ZMYM5: variants seen among roughly 807,000 people sequenced by gnomAD.
The protein encoded by ZMYM5 is zinc finger MYM-type protein 5.
In ZMYM5, 41 loss-of-function variants were observed where a neutral mutation model predicts 61.8. The ratio of observed to expected loss-of-function variants is 0.66; its 90% CI spans 0.52 to 0.86. ZMYM5 has a LOEUF of 0.86. ZMYM5 is among the 40% of genes least tolerant of loss of function. The probability of loss-of-function intolerance (pLI) is 0.00; values close to 1 mark genes in which losing one functional copy is unlikely to be tolerated. For synonymous variants in ZMYM5, 257 were observed against 276.4 expected (o/e 0.93, Z 0.70); for missense variants, 706 against 786.7 (o/e 0.90, Z 1.23).
At chr13:19,845,290 A>T (rs1313798231) in intron 4 of ZMYM5, among the ~76,000 whole-genome samples, 2 of 152,214 alleles carry the variant, frequency 1.3e-5, no homozygotes, top group Non-Finnish European at 2.9e-5. Flanking sequence ...GAATGTGTGA[A>T]GTCAACTATT....
At chr13:19,855,310 T>A (rs1296575206) in intron 2 of ZMYM5, among the ~76,000 whole-genome samples, 1 of 152,056 alleles carries the variant, frequency 6.6e-6, no homozygotes, top group Non-Finnish European at 1.5e-5. Context: ...TCGCCCAGGC[T>A]GGAGTGCAGT....
chr13:19,826,855 T>C (rs1225476445), intron 7 of ZMYM5, among the ~76,000 whole-genome samples: 4 of 150,432 alleles, frequency 2.7e-5, no homozygotes, highest in Admixed American at 6.6e-5. Flanking sequence ...ACAACTCAAA[T>C]GTCCCATCAC....
chr13:19,860,470 G>A (rs9506389), intron 2 of ZMYM5, among the ~76,000 whole-genome samples: 63,034 of 135,982 alleles, frequency 0.46, 15,478 homozygotes, highest in Non-Finnish European at 0.54. Context: ...GTGTGTGTGT[G>A]TATTTTTTTT....
rs767490413 is a variant in ZMYM5 at position 19,824,771 on chromosome 13, T to A, written c.1716A>T (p.Glu572Asp). Residue 572 changes from glutamate to aspartate, a missense_variant, in exon 8 of 8, where the codon GAA becomes GAT. Transcript: ENST00000337963. The part of the protein sequence containing the change: ...TYYTRILPNG[E>D]KTTRSWLLYS... ...AAAGTAACCAGGATCTAGTGGTTTT[T>A]TCACCATTTGGAAGAATCCGTGTAT... 6 of 1,359,452 alleles carry A rather than the reference T, an allele frequency of 4.4e-6. No homozygotes were observed. In the African/African-American group the frequency reaches 7.4e-5, roughly 17 times the overall value. 84.2% of individuals were successfully genotyped at this position (1,359,452 alleles called of 1,614,324 possible). A position where few individuals can be genotyped will look rare whatever the true frequency, so the allele number is the denominator to read the frequency against.
At chr13:19,842,292 C>A (rs1412087761) in intron 4 of ZMYM5, among the ~76,000 whole-genome samples, 1 of 152,172 alleles carries the variant, frequency 6.6e-6, no homozygotes, top group Non-Finnish European at 1.5e-5. Context: ...GAAATTTAAA[C>A]CCATAAGACC....
Position 19,852,071 on chromosome 13 carries a change from T to A in ZMYM5, c.110A>T (p.His37Leu). ...SLMDIGDSFG[H>L]PACPLVSRSR... ...TCTACTGACTAAAGGACAAGCTGGA[T>A]GACCAAATGAATCCCCTATGTCCAT... Residue 37 changes from histidine to leucine, a missense_variant, in exon 3 of 8, where the codon CAT (histidine) becomes CTT (leucine). Physicochemically the swap from His to Leu is moderately conservative, Grantham distance 99. Transcript: ENST00000337963. The A allele has an allele frequency of 6.2e-7, 1 of 1,613,972 alleles. No homozygotes were observed. Among genetic ancestry groups the A allele is most frequent in the Non-Finnish European group, 8.5e-7 (1 of 1,180,002 alleles).
intron 7 of ZMYM5, among the ~76,000 whole-genome samples, chr13:19,832,202 A>C (rs1369242802): frequency 6.6e-6 from 1 of 152,042 alleles, no homozygotes; most frequent in Non-Finnish European, 1.5e-5. Context: ...ATTTAGTAGT[A>C]AAAAATTTAT....
At position 19,851,764 on chromosome 13, in the gene ZMYM5, G is replaced by C; in HGVS notation, c.417C>G (p.Ile139Met). The C allele has an allele frequency of 1.9e-6, 3 of 1,602,708 alleles. No homozygotes were observed. The highest frequency in any genetic ancestry group is 2.5e-6 in the Non-Finnish European group (3 of 1,177,356). ...TTTTAGTTCCAGGAAGTCCCCATTC[G>C]ATAAAACAGGAAGACTTTTTCTCTG... ...GGAEKKSSCF[I>M]EWGLPGTKNK... is the part of the protein sequence containing the mutation. Residue 139 changes from isoleucine (I) to methionine (M), a missense_variant, in exon 3 of 8, where the codon ATC becomes ATG. By Grantham distance (10) the Ile-to-Met change is conservative. Around this residue, in one of 2 missense-constraint regions of ZMYM5, gnomAD observed 480 missense variants for 461.7 expected, o/e 1.04. Coordinates refer to ENST00000337963, the MANE Select transcript of ZMYM5 (RefSeq NM_001142684.2).
At chr13:19,858,059 G>A (rs1953575676) in intron 2 of ZMYM5, among the ~76,000 whole-genome samples, 1 of 151,206 alleles carries the variant, frequency 6.6e-6, no homozygotes, top group African/African-American at 2.4e-5. Flanking sequence ...AGCTGGGCAT[G>A]GTGGTGCACG....
intron 6 of ZMYM5, 115 bp from the exon 7 acceptor site, chr13:19,835,804 G>T: frequency 1.4e-6 from 1 of 714,106 alleles, no homozygotes; most frequent in Non-Finnish European, 2.0e-6. Context: ...ATATCTCAGA[G>T]GAAGATATAC....
chr13:19,828,594 G>A (rs1247909703), intron 7 of ZMYM5, among the ~76,000 whole-genome samples: 2 of 152,144 alleles, frequency 1.3e-5, no homozygotes, highest in Non-Finnish European at 1.5e-5. Context: ...CCAACCTTAT[G>A]TAAGGAAGGA....
At position 19,835,689 on chromosome 13, in the gene ZMYM5, T is replaced by G; in HGVS notation, c.1039A>C (p.Ile347Leu). ...RCTICSKLAE[I>L]RHEVSVNNVT... is the part of the protein sequence containing the mutation. ...TTATTTACGCTGACTTCATGGCGAATCTAAAAGAAAAACCAGAATTCATTA... is the reference window on the plus strand; with the variant it reads ...TTATTTACGCTGACTTCATGGCGAAGCTAAAAGAAAAACCAGAATTCATTA... Residue 347 changes from isoleucine (I) to leucine (L), a missense_variant and splice_region_variant, in exon 7 of 8, where the codon ATT (isoleucine) becomes CTT (leucine). Around this residue, in one of 2 missense-constraint regions of ZMYM5, gnomAD observed 480 missense variants for 461.7 expected, o/e 1.04. Coordinates refer to ENST00000337963, the MANE Select transcript of ZMYM5 (RefSeq NM_001142684.2). 1.5e-6 allele frequency: 2 copies of G among 1,366,864 alleles called. No homozygotes were observed. Among genetic ancestry groups the G allele is most frequent in the Non-Finnish European group, 2.0e-6 (2 of 1,021,568 alleles). The allele number at this position is 1,366,864 out of a possible 1,614,324, so 84.7% of individuals were successfully genotyped here.
At position 19,824,629 on chromosome 13, in the gene ZMYM5, T is replaced by G; in HGVS notation, c.1858A>C (p.Ser620Arg). Reference sequence around the variant, plus strand: ...TGCATTTCACTTTCTTCATGTTTACTAAGAATATGTGATAAATGTTGCCAA... The same window carrying G: ...TGCATTTCACTTTCTTCATGTTTACGAAGAATATGTGATAAATGTTGCCAA... Reference protein sequence around the residue: ...KDWQHLSHILSKHEESEMHVN... With the variant: ...KDWQHLSHILRKHEESEMHVN... Residue 620 changes from serine to arginine, a missense_variant, in exon 8 of 8, where the codon AGT becomes CGT. Physicochemically the swap from Ser to Arg is moderately radical, Grantham distance 110. Coordinates refer to ENST00000337963, the MANE Select transcript of ZMYM5 (RefSeq NM_001142684.2). 1 of 1,316,886 alleles carries G rather than the reference T, an allele frequency of 7.6e-7. No individual in the cohort carries two copies. The highest frequency in any genetic ancestry group is 1.0e-6 in the Non-Finnish European group (1 of 995,838). 81.6% of individuals were successfully genotyped at this position (1,316,886 alleles called of 1,614,324 possible). A position where few individuals can be genotyped will look rare whatever the true frequency, so the allele number is the denominator to read the frequency against.
At chr13:19,849,428 T>C (rs1354520719) in intron 4 of ZMYM5, among the ~76,000 whole-genome samples, 1 of 152,156 alleles carries the variant, frequency 6.6e-6, no homozygotes, top group Admixed American at 6.5e-5. Flanking sequence ...CCAGCCTATA[T>C]TTTTATGATG....
intron 7 of ZMYM5, among the ~76,000 whole-genome samples, chr13:19,827,184 C>T (rs1890955887): frequency 6.6e-6 from 1 of 151,998 alleles, no homozygotes; most frequent in African/African-American, 2.4e-5. Context: ...TTAATTACAT[C>T]TCAATAAAGT....
At chr13:19,835,897 C>T (rs1187101553) in intron 6 of ZMYM5, among the ~76,000 whole-genome samples, 1 of 151,894 alleles carries the variant, frequency 6.6e-6, no homozygotes, top group Non-Finnish European at 1.5e-5. Flanking sequence ...AATCTCGGCT[C>T]ACTGCAACCT....
intron 7 of ZMYM5, among the ~76,000 whole-genome samples, chr13:19,834,008 C>T (rs1349182072): frequency 6.6e-6 from 1 of 152,122 alleles, no homozygotes; most frequent in African/African-American, 2.4e-5. Context: ...CAGAGCGTTG[C>T]TCTTGCTGCC....
Position 19,837,412 on chromosome 13 carries a change from T to C in ZMYM5, c.1038+244A>G, listed in dbSNP as rs781780186. Reference sequence around the variant, plus strand: ...AATAACAAAATCCACCATAAAACAATTGCCTTGTTTATGAGCACAACAATT... The same window carrying C: ...AATAACAAAATCCACCATAAAACAACTGCCTTGTTTATGAGCACAACAATT... On this transcript the variant is annotated intron_variant, in intron 6 of 7. Transcript: ENST00000337963. The C allele has an allele frequency of 1.4e-5, 21 of 1,496,536 alleles. No homozygotes were observed. In the African/African-American group the frequency reaches 2.6e-4, roughly 19 times the overall value. 92.7% of individuals were successfully genotyped at this position (1,496,536 alleles called of 1,614,324 possible).
rs1593905360 is a variant in ZMYM5 at position 19,851,821 on chromosome 13, A to G, written c.360T>C (p.Asp120=). 1.2e-6 allele frequency: 2 copies of G among 1,612,906 alleles called. No individual in the cohort carries two copies. The highest frequency in any genetic ancestry group is 1.1e-5 in the South Asian group (1 of 90,568). ...CATTTGTTTCTATGTCCTCTTCATCATCAATAACAATTGTCTCACTTATAT... is the reference window on the plus strand; with the variant it reads ...CATTTGTTTCTATGTCCTCTTCATCGTCAATAACAATTGTCTCACTTATAT... The part of the protein sequence containing the change: ...KGNISETIVI[D]DEEDIETNGG... The change falls in exon 3 of 8, where the codon GAT becomes GAC. Residue 120 remains aspartate, a synonymous_variant. Coordinates refer to ENST00000337963, the MANE Select transcript of ZMYM5 (RefSeq NM_001142684.2).
Sources: allele counts gnomAD v4.1 joint callset (sites outside exome capture counted in the v4.1 genomes callset), GRCh38; gene constraint gnomAD v4.1.1; regional missense constraint gnomAD v4.1.1; transcripts MANE v1.5; gene names NCBI Gene and HGNC (gene_info 2026-07-23, HGNC 2026-07-21).